Variants in TMEM92 observed in about 807,000 individuals in gnomAD.
The protein encoded by TMEM92 is transmembrane protein 92.
In TMEM92, 15 loss-of-function variants were observed where a neutral mutation model predicts 14.6. The observed-to-expected ratio is 1.03, with a 90% CI of 0.69 to 1.58. The LOEUF (loss-of-function observed/expected upper bound fraction) is 1.58, where lower values mean the gene tolerates loss of function less well. TMEM92 is among the 40% of genes most tolerant of loss of function. The probability of loss-of-function intolerance (pLI) is 0.00; values close to 1 mark genes in which losing one functional copy is unlikely to be tolerated. For missense variants in TMEM92, 174 were observed against 202.4 expected, an observed-to-expected ratio of 0.86 and a Z score of 0.85; for synonymous variants, 85 against 83.3, an observed-to-expected ratio of 1.02 and a Z score of -0.11.
intron 1 of TMEM92, among the ~76,000 whole-genome samples, chr17:50,276,841 T>A (rs1910446951): frequency 6.6e-6 from 1 of 152,146 alleles, no homozygotes; most frequent in Non-Finnish European, 1.5e-5. Flanking sequence ...ATAAAGTAAA[T>A]ATATAGTATG....
At chr17:50,274,689 T>C in intron 1 of TMEM92, 119 bp downstream of exon 1, 1 of 872,896 alleles carries the variant, frequency 1.1e-6, no homozygotes, top group Non-Finnish European at 1.8e-6. Context: ...CCACACACAG[T>C]TAGCTACTTC....
rs911373026 is a variant in TMEM92 at position 50,278,428 on chromosome 17, C to G, written c.96-128C>G. The G allele has an allele frequency of 3.9e-6, 4 of 1,020,402 alleles. No individual in the cohort carries two copies. In the East Asian group the frequency reaches 9.9e-5, roughly 25 times the overall value. 63.2% of individuals were successfully genotyped at this position (1,020,402 alleles called of 1,614,324 possible). A position where few individuals can be genotyped will look rare whatever the true frequency, so the allele number is the denominator to read the frequency against. ...TGAGCTCAGAGCGGGGGCCATACCC[C>G]CCACCCCACTAAGGGGTGGCTTGTG... On this transcript the variant is annotated intron_variant, in intron 2 of 4. Transcript: ENST00000507382.
At position 50,277,699 on chromosome 17, in the gene TMEM92, C is replaced by T. The variant is rs1352836075; in HGVS notation, c.70-16C>T. Reference sequence around the variant, plus strand: ...AGTTTATGACCCTGACCCCCGACCTCTCTTTTCTTCCACAGATTGCAGCCA... The same window carrying T: ...AGTTTATGACCCTGACCCCCGACCTTTCTTTTCTTCCACAGATTGCAGCCA... On this transcript the variant is annotated splice_polypyrimidine_tract_variant and intron_variant, in intron 1 of 4. Coordinates refer to ENST00000507382, the MANE Select transcript of TMEM92 (RefSeq NM_153229.3). 1 of 1,613,962 alleles carries T rather than the reference C, an allele frequency of 6.2e-7. No individual in the cohort carries two copies.
chr17:50,279,292 A>G lies in TMEM92; in HGVS notation c.464A>G (p.Asp155Gly). The G allele has an allele frequency of 6.2e-7, 1 of 1,613,882 alleles. No individual in the cohort carries two copies. The change falls in exon 5 of 5, where the codon GAC becomes GGC. Residue 155 changes from aspartate to glycine, a missense_variant. Physicochemically the swap from Asp to Gly is moderately conservative, Grantham distance 94. Transcript: ENST00000507382. ...EEYTGDQRGI[D>G]NPAF Reference sequence around the variant, plus strand: ...TATACCGGGGATCAGAGGGGCATTGACAACCCGGCCTTCTGAGTCACCTCC... The same window carrying G: ...TATACCGGGGATCAGAGGGGCATTGGCAACCCGGCCTTCTGAGTCACCTCC...
upstream of TMEM92, chr17:50,274,408 C>G: frequency 7.6e-7 from 1 of 1,322,662 alleles, no homozygotes; most frequent in Non-Finnish European, 1.1e-6. Flanking sequence ...GCTCCGCCCC[C>G]ATCCCGAGGC....
Position 50,279,457 on chromosome 17 carries a change from T to C in TMEM92, c.*149T>C, listed in dbSNP as rs113856333. On this transcript the variant is annotated 3_prime_UTR_variant, in exon 5 of 5. Transcript: ENST00000507382. ...GGATTTAACTTATTACTTTTTCTGC[T>C]TCTGTTTCCACCCCAGCTGCCTCTC... 2,217 of 686,068 alleles carry C rather than the reference T, an allele frequency of 3.2e-3. 41 individuals carry two copies. In the African/African-American group the frequency reaches 0.035, roughly 11 times the overall value. The allele number at this position is 686,068 out of a possible 1,614,324, so 42.5% of individuals were successfully genotyped here. A position where few individuals can be genotyped will look rare whatever the true frequency, so the allele number is the denominator to read the frequency against.
rs1489677126 is a variant in TMEM92, at chr17:50,278,841, T to G, written c.211T>G (p.Cys71Gly). The stretch of plus-strand genomic sequence containing the variant: ...CTTCCTGGTCATCCTGTCCGTCTTT[T>G]GCATCTGTGGCCTGGCTAAGTGCTT... ...IIFLVILSVF[C>G]ICGLAKCFCR... Residue 71 changes from cysteine to glycine, a missense_variant, in exon 4 of 5, where the codon TGC becomes GGC. Transcript: ENST00000507382. The G allele has an allele frequency of 1.9e-6, 3 of 1,613,408 alleles. No individual in the cohort carries two copies. Among genetic ancestry groups the G allele is most frequent in the South Asian group, 1.1e-5 (1 of 91,070 alleles).
upstream of TMEM92, among the ~76,000 whole-genome samples, chr17:50,273,064 C>T (rs34052864): frequency 0.1 from 15,889 of 152,136 alleles, 1,148 homozygotes; most frequent in East Asian, 0.35. Flanking sequence ...AGAAGAAACG[C>T]CCACGACGTC....
chr17:50,278,477 TG>T (rs2143053695), intron 2 of TMEM92, 78 bp from the exon 3 acceptor site: 1 of 1,532,504 alleles, frequency 6.5e-7, no homozygotes, highest in South Asian at 1.2e-5. Flanking sequence ...GGGTGTATTT[TG>T]GGGAGGCTGG....
chr17:50,278,565 C>T lies in TMEM92; in HGVS notation c.105C>T (p.Pro35=). 6.2e-7 allele frequency: 1 copy of T among 1,614,058 alleles called. No homozygotes were observed. The highest frequency in any genetic ancestry group is 8.5e-7 in the Non-Finnish European group (1 of 1,179,998). Residue 35 remains proline (P), a synonymous_variant, in exon 3 of 5, where the codon CCC becomes CCT. Coordinates refer to ENST00000507382, the MANE Select transcript of TMEM92 (RefSeq NM_153229.3). ...TGTGCCCTCTGACCAGTGCCTGCCCCAAAGGATTCAAATGCTGTGGTGACA... is the reference window on the plus strand; with the variant it reads ...TGTGCCCTCTGACCAGTGCCTGCCCTAAAGGATTCAAATGCTGTGGTGACA... The part of the protein sequence containing the change: ...AAKCGLILAC[P]KGFKCCGDSC...
chr17:50,276,184 G>A (rs1314228272), intron 1 of TMEM92, among the ~76,000 whole-genome samples: 3 of 152,144 alleles, frequency 2.0e-5, no homozygotes, highest in Non-Finnish European at 4.4e-5. Context: ...GTCTCGCTAT[G>A]TTGGCCAGGT....
At chr17:50,277,872 T>A in intron 2 of TMEM92, 132 bp downstream of exon 2, 2 of 1,173,268 alleles carry the variant, frequency 1.7e-6, no homozygotes. Context: ...CCAGAAACTG[T>A]CCCCCCACTT....
chr17:50,276,975 T>C (rs1440607264), intron 1 of TMEM92, among the ~76,000 whole-genome samples: 1 of 150,722 alleles, frequency 6.6e-6, no homozygotes, highest in Non-Finnish European at 1.5e-5. Flanking sequence ...CCTAGAAGAG[T>C]GTTCCAAGTC....
At position 50,281,179 on chromosome 17, in the gene TMEM92, C is replaced by T. The variant is rs1051748596; in HGVS notation, c.*1871C>T. 6.6e-6 allele frequency: 1 copy of T among 152,144 alleles called. No individual in the cohort carries two copies. The highest frequency in any genetic ancestry group is 2.4e-5 in the African/African-American group (1 of 41,414). 9.4% of individuals were successfully genotyped at this position (152,144 alleles called of 1,614,324 possible). A position where few individuals can be genotyped will look rare whatever the true frequency, so the allele number is the denominator to read the frequency against. On this transcript the variant is annotated 3_prime_UTR_variant, in exon 5 of 5. Coordinates refer to ENST00000507382, the MANE Select transcript of TMEM92 (RefSeq NM_153229.3). ...TGTGACCTGGTGACAGAAATGGAAA[C>T]CTCTGTGGCTCTTCTGGTCATCCTT...
rs911373026 is a variant in TMEM92 at position 50,278,428 on chromosome 17, C to T, written c.96-128C>T. ...TGAGCTCAGAGCGGGGGCCATACCC[C>T]CCACCCCACTAAGGGGTGGCTTGTG... On this transcript the variant is annotated intron_variant, in intron 2 of 4. Transcript: ENST00000507382. 2.4e-5 allele frequency: 24 copies of T among 1,020,284 alleles called. No individual in the cohort carries two copies. The African/African-American group carries it at 2.6e-4, about 11-fold the overall frequency. 63.2% of individuals were successfully genotyped at this position (1,020,284 alleles called of 1,614,324 possible).
intron 2 of TMEM92, 145 bp downstream of exon 2, chr17:50,277,885 C>T (rs1910481939): frequency 2.8e-6 from 3 of 1,070,830 alleles, no homozygotes; most frequent in South Asian, 1.4e-5. Context: ...CCCCACTTTC[C>T]CAGCCAAAGA....
In TMEM92 at chr17:50,281,438, G is replaced by A. The variant is rs1280785170; in HGVS notation, c.*2130G>A. 1.3e-5 allele frequency: 2 copies of A among 152,158 alleles called. No homozygotes were observed. The highest frequency in any genetic ancestry group is 2.9e-5 in the Non-Finnish European group (2 of 68,034). 9.4% of individuals were successfully genotyped at this position (152,158 alleles called of 1,614,324 possible). ...TGCACTAATTCATTGTGCCACCAGAGCTCCCTATGCAGCCTTTTAAAAGAA... is the reference window on the plus strand; with the variant it reads ...TGCACTAATTCATTGTGCCACCAGAACTCCCTATGCAGCCTTTTAAAAGAA... On this transcript the variant is annotated 3_prime_UTR_variant, in exon 5 of 5. Coordinates refer to ENST00000507382, the MANE Select transcript of TMEM92 (RefSeq NM_153229.3).
rs1220548358 is a variant in TMEM92, at chr17:50,279,430, T to C, written c.*122T>C. On this transcript the variant is annotated 3_prime_UTR_variant, in exon 5 of 5. Transcript: ENST00000507382. ...CATCCTGCCGTGTCTCTGTTCATTC[T>C]TGGATTTAACTTATTACTTTTTCTG... 3.7e-6 allele frequency: 3 copies of C among 817,906 alleles called. No homozygotes were observed. Among genetic ancestry groups the C allele is most frequent in the Non-Finnish European group, 6.1e-6 (3 of 492,524 alleles). 50.7% of individuals were successfully genotyped at this position (817,906 alleles called of 1,614,324 possible). A position where few individuals can be genotyped will look rare whatever the true frequency, so the allele number is the denominator to read the frequency against.
chr17:50,274,153 A>T (rs1338166775), upstream of TMEM92, among the ~76,000 whole-genome samples: 1 of 112,784 alleles, frequency 8.9e-6, no homozygotes, highest in Non-Finnish European at 1.9e-5. Flanking sequence ...TAAATTTTGT[A>T]TTTCTAGTGG....
Sources: allele counts gnomAD v4.1 joint callset (sites outside exome capture counted in the v4.1 genomes callset), GRCh38; gene constraint gnomAD v4.1.1; transcripts MANE v1.5; gene names NCBI Gene and HGNC (gene_info 2026-07-23, HGNC 2026-07-21).